The following NTN1 variants were observed in gnomAD, a reference collection of about 807,000 sequenced individuals.
NTN1 encodes netrin 1, also known as netrin-1.
A neutral mutation model predicts 54.2 loss-of-function variants in NTN1; 11 were observed. That is an observed-to-expected ratio of 0.20 (90% CI 0.13 to 0.34). NTN1 has a LOEUF of 0.34. NTN1 is among the 10% of genes least tolerant of loss of function. The pLI, the probability that NTN1 is intolerant of heterozygous loss-of-function variation, is 1.00. For synonymous variants in NTN1, 371 were observed against 382.0 expected (o/e 0.97, Z 0.33); for missense variants, 740 against 893.1 (o/e 0.83, Z 2.18).
At chr17:9,217,045 CAAAA>C (rs201848057) in intron 5 of NTN1, among the ~76,000 whole-genome samples, 2 of 133,202 alleles carry the variant, frequency 1.5e-5, no homozygotes, top group Admixed American at 7.6e-5. Flanking sequence ...GACTCCGTCT[CAAAA>C]AAAAAAAAAA....
chr17:9,223,444 C>T (rs560675236), intron 6 of NTN1, among the ~76,000 whole-genome samples: 2 of 152,172 alleles, frequency 1.3e-5, no homozygotes, highest in African/African-American at 4.8e-5. Flanking sequence ...CTCAGCTACT[C>T]GGGAGGCTGA....
chr17:9,199,225 C>T (rs1310999946), intron 5 of NTN1, among the ~76,000 whole-genome samples: 2 of 152,214 alleles, frequency 1.3e-5, no homozygotes, highest in Non-Finnish European at 2.9e-5. Context: ...TCATTGCAAC[C>T]TCCGCTTCCT....
chr17:9,183,038 G>A, intron 5 of NTN1, 69 bp downstream of exon 5: 3 of 1,507,992 alleles, frequency 2.0e-6, no homozygotes, highest in Non-Finnish European at 2.8e-6. Context: ...TGGGTTAATG[G>A]GGAAGGGGCA....
rs1338948914 is a variant in NTN1 at position 9,219,842 on chromosome 17, T to A, written c.1412-1326T>A. Among the ~76,000 whole-genome samples, 1 of 152,238 alleles carries A rather than the reference T, an allele frequency of 6.6e-6. No homozygotes were observed. Among genetic ancestry groups the A allele is most frequent in the Non-Finnish European group, 1.5e-5 (1 of 68,028 alleles). On this transcript the variant is annotated intron_variant, in intron 5 of 6. Coordinates refer to ENST00000173229, the MANE Select transcript of NTN1 (RefSeq NM_004822.3). This position sits in a 1 kb window ranked among gnomAD's most constrained non-coding sequence, Gnocchi z 4.5. ...GCAGCCGCCCGTGTGTGTGCACGTG[T>A]GTGTGCACGTGTGTGTTGAATCTTT... is the stretch of plus-strand genomic sequence containing the variant.
At chr17:9,156,572 T>G (rs2092342897) in intron 2 of NTN1, among the ~76,000 whole-genome samples, 1 of 152,186 alleles carries the variant, frequency 6.6e-6, no homozygotes, top group Admixed American at 6.5e-5. Context: ...CGCCAGGGTC[T>G]TTTGGGGTGG....
intron 5 of NTN1, among the ~76,000 whole-genome samples, chr17:9,203,130 C>T (rs1041263246): frequency 2.6e-5 from 4 of 151,702 alleles, no homozygotes; most frequent in African/African-American, 9.7e-5. Context: ...ACCATGTTAG[C>T]CAGGATGATC....
At chr17:9,179,718 A>G (rs2092412458) in intron 3 of NTN1, 89 bp from the exon 4 acceptor site, 5 of 1,489,218 alleles carry the variant, frequency 3.4e-6, no homozygotes, top group Admixed American at 2.0e-5. Context: ...GGCAGGGTCC[A>G]TGGAGGCAGC....
At chr17:9,205,267 T>G (rs1179986747) in intron 5 of NTN1, among the ~76,000 whole-genome samples, 2 of 151,962 alleles carry the variant, frequency 1.3e-5, no homozygotes, top group African/African-American at 4.8e-5. Context: ...GTGGCAAGAA[T>G]AGATGGGGGT....
chr17:9,097,656 A>G (rs1223916807), intron 2 of NTN1, among the ~76,000 whole-genome samples: 3 of 152,024 alleles, frequency 2.0e-5, no homozygotes, highest in Non-Finnish European at 4.4e-5. Flanking sequence ...AAAAACCCCA[A>G]ACAGACAAAC....
intron 2 of NTN1, among the ~76,000 whole-genome samples, chr17:9,136,778 A>G (rs972354351): frequency 2.0e-5 from 3 of 152,090 alleles, no homozygotes; most frequent in African/African-American, 7.2e-5. Context: ...GGGAACACAC[A>G]CTGTGGAGAG....
chr17:9,056,049 C>T (rs936988306), intron 2 of NTN1, among the ~76,000 whole-genome samples: 2 of 148,910 alleles, frequency 1.3e-5, no homozygotes, highest in East Asian at 4.1e-4. Flanking sequence ...AGGTGCACAC[C>T]ATTATGCCTG....
At chr17:9,168,985 A>G (rs760404169) in intron 3 of NTN1, among the ~76,000 whole-genome samples, 4 of 152,188 alleles carry the variant, frequency 2.6e-5, no homozygotes, top group Non-Finnish European at 5.9e-5. Context: ...TACTGGGAGA[A>G]ACTGACACCT....
At chr17:9,218,457 A>G (rs1386205283) in intron 5 of NTN1, among the ~76,000 whole-genome samples, 1 of 152,192 alleles carries the variant, frequency 6.6e-6, no homozygotes, top group East Asian at 1.9e-4. Context: ...GTGATTTGTC[A>G]AGCAGGGCCT....
chr17:9,107,501 G>C (rs9913804), intron 2 of NTN1, among the ~76,000 whole-genome samples: 1 of 152,220 alleles, frequency 6.6e-6, no homozygotes, highest in Non-Finnish European at 1.5e-5. Context: ...GGAACGCTGT[G>C]TGAACGTGGA....
intron 2 of NTN1, among the ~76,000 whole-genome samples, chr17:9,127,072 G>GGGC (rs1555570066): frequency 4.6e-5 from 2 of 43,334 alleles, no homozygotes; most frequent in Non-Finnish European, 9.2e-5. Context: ...TGGTAGGGCC[G>GGGC]GGGGGGGGCA....
intron 2 of NTN1, among the ~76,000 whole-genome samples, chr17:9,085,123 C>T (rs2092085982): frequency 6.6e-6 from 1 of 152,218 alleles, no homozygotes; most frequent in South Asian, 2.1e-4. Context: ...GACCTCAGAA[C>T]ACACTGGCTC....
At chr17:9,063,408 T>G (rs2142209223) in intron 2 of NTN1, among the ~76,000 whole-genome samples, 1 of 151,824 alleles carries the variant, frequency 6.6e-6, no homozygotes, top group Admixed American at 6.5e-5. Context: ...CATTAATGAC[T>G]TTTAAAGCTT....
intron 2 of NTN1, among the ~76,000 whole-genome samples, chr17:9,058,637 C>CAAAAAAAAAAAAAAAAAAAAAAAAAAAA (rs3053457): frequency 5.1e-5 from 3 of 58,906 alleles, no homozygotes; most frequent in African/African-American, 6.4e-5. Context: ...GGTAGGCACT[C>CAAAAAAAAAAAAAAAAAAAAAAAAAAAA]AAAAAAAAAA....
the NTN1 span, among the ~76,000 whole-genome samples, chr17:9,007,295 CTT>C: frequency 1.1e-4 from 16 of 141,370 alleles, no homozygotes; most frequent in Admixed American, 1.1e-3. Context: ...TTCCTTCCTT[CTT>C]TCTTTCTTTC....
Sources: allele counts gnomAD v4.1 joint callset (sites outside exome capture counted in the v4.1 genomes callset), GRCh38; gene constraint gnomAD v4.1.1; non-coding constraint Gnocchi (gnomAD v3.1); transcripts MANE v1.5; gene names NCBI Gene and HGNC (gene_info 2026-07-23, HGNC 2026-07-21).